Variants in SLIT3 observed in about 807,000 individuals in gnomAD.
The protein encoded by SLIT3 is slit guidance ligand 3, also known as slit homolog 3 protein.
Under a neutral mutation model 184.0 loss-of-function variants are expected in SLIT3, and 68 were observed. That is an observed-to-expected ratio of 0.37 (90% CI 0.30 to 0.45). The LOEUF (loss-of-function observed/expected upper bound fraction) is 0.45, where lower values mean the gene tolerates loss of function less well. Among genes scored for constraint, SLIT3 ranks in the 20% least tolerant of loss-of-function variants. SLIT3 has a pLI of 1.00. For missense variants in SLIT3, 1,707 were observed against 2,026.0 expected, an observed-to-expected ratio of 0.84 and a Z score of 3.02; for synonymous variants, 831 against 828.6, an observed-to-expected ratio of 1.00 and a Z score of -0.05.
intron 4 of SLIT3, among the ~76,000 whole-genome samples, chr5:168,956,463 T>C (rs1422792337): frequency 1.3e-5 from 2 of 152,316 alleles, no homozygotes; most frequent in South Asian, 2.1e-4. Context: ...AATTACCTTT[T>C]ACCTACAATG....
intron 1 of SLIT3, among the ~76,000 whole-genome samples, chr5:169,287,275 C>T (rs923378278): frequency 4.6e-5 from 7 of 152,184 alleles, no homozygotes; most frequent in East Asian, 1.9e-4. Flanking sequence ...TCTCTAGACT[C>T]GAAATAAGCT....
In SLIT3 at chr5:168,665,560, C is replaced by G. The variant is rs1215437075; in HGVS notation, c.*894G>C. The stretch of plus-strand genomic sequence containing the variant: ...CTTCCCTCGCCTCCTCTAGGAAGAC[C>G]CCTCTCCTGGGGAGGAGCAGGAAAA... On this transcript the variant is annotated 3_prime_UTR_variant, in exon 36 of 36. Coordinates refer to ENST00000519560, the MANE Select transcript of SLIT3 (RefSeq NM_003062.4). 1 of 152,280 alleles carries G rather than the reference C, an allele frequency of 6.6e-6. No homozygotes were observed. The highest frequency in any genetic ancestry group is 1.5e-5 in the Non-Finnish European group (1 of 68,104). The allele number at this position is 152,280 out of a possible 1,614,324, so 9.4% of individuals were successfully genotyped here.
At chr5:169,116,642 T>C (rs1327827646) in intron 4 of SLIT3, among the ~76,000 whole-genome samples, 4 of 152,346 alleles carry the variant, frequency 2.6e-5, no homozygotes, top group African/African-American at 9.6e-5. Context: ...TGATAGTCCA[T>C]GCACATGATC....
chr5:168,679,943 G>A (rs1366640135), intron 32 of SLIT3, among the ~76,000 whole-genome samples: 1 of 152,234 alleles, frequency 6.6e-6, no homozygotes, highest in African/African-American at 2.4e-5. Flanking sequence ...TAGAAATCAA[G>A]ACTCAGAGAG....
chr5:168,722,140 G>A (rs1762961599), intron 23 of SLIT3, 116 bp downstream of exon 23: 1 of 844,706 alleles, frequency 1.2e-6, no homozygotes, highest in Admixed American at 2.0e-5. Context: ...GGGTAGGAAG[G>A]TGTGTTTGGG....
chr5:169,298,751 TC>T (rs1767591528), intron 1 of SLIT3, among the ~76,000 whole-genome samples: 1 of 152,128 alleles, frequency 6.6e-6, no homozygotes, highest in African/African-American at 2.4e-5. Flanking sequence ...TCCAAACACT[TC>T]ACTAGCTGCA....
chr5:169,013,131 A>T (rs1051783915), intron 4 of SLIT3: 3 of 152,224 alleles, frequency 2.0e-5, no homozygotes, highest in Admixed American at 2.0e-4. Context: ...GGTGCAGGGG[A>T]CAAGGGAGAA....
intron 3 of SLIT3, among the ~76,000 whole-genome samples, chr5:169,207,409 A>T (rs1022223481): frequency 5.3e-5 from 8 of 150,866 alleles, no homozygotes; most frequent in Admixed American, 4.6e-4. Flanking sequence ...ACACACACAC[A>T]CACACACGGC....
At chr5:168,861,254 C>T (rs1375829533) in intron 5 of SLIT3, among the ~76,000 whole-genome samples, 1 of 151,968 alleles carries the variant, frequency 6.6e-6, no homozygotes, top group Non-Finnish European at 1.5e-5. Flanking sequence ...TTTCCCTCCC[C>T]CATCCCCCCA....
chr5:169,072,740 C>A (rs532576110), intron 4 of SLIT3, among the ~76,000 whole-genome samples: 1 of 152,236 alleles, frequency 6.6e-6, no homozygotes, highest in African/African-American at 2.4e-5. Flanking sequence ...ATCTTCTGCA[C>A]GGCTGGAGGC....
chr5:168,791,803 G>A (rs2113592868), intron 10 of SLIT3: 1 of 152,282 alleles, frequency 6.6e-6, no homozygotes, highest in Admixed American at 6.5e-5. Flanking sequence ...CATTCACCGT[G>A]TTGTATAACA....
intron 3 of SLIT3, among the ~76,000 whole-genome samples, chr5:169,223,490 G>T (rs1005572482): frequency 1.3e-5 from 2 of 152,210 alleles, no homozygotes; most frequent in East Asian, 3.9e-4. Flanking sequence ...TGATAGAGAC[G>T]TGCAGTTAGG....
chr5:168,907,477 G>C (rs532717724), intron 4 of SLIT3, among the ~76,000 whole-genome samples: 2 of 152,330 alleles, frequency 1.3e-5, no homozygotes, highest in Admixed American at 1.3e-4. Context: ...CAGGAAGGTA[G>C]TGTGTGACCA....
chr5:169,102,923 A>G (rs1760072614), intron 4 of SLIT3, among the ~76,000 whole-genome samples: 1 of 152,214 alleles, frequency 6.6e-6, no homozygotes, highest in Non-Finnish European at 1.5e-5. Flanking sequence ...CTTCTAAATC[A>G]TTGGATTTTA....
At chr5:169,126,327 A>G (rs76013016) in intron 4 of SLIT3, among the ~76,000 whole-genome samples, 79 of 152,358 alleles carry the variant, frequency 5.2e-4, no homozygotes, top group African/African-American at 1.7e-3. Flanking sequence ...CAGGAGAGAG[A>G]GAGGAAGAGG....
intron 18 of SLIT3, 167 bp downstream of exon 18, chr5:168,752,788 C>T (rs1754760818): frequency 3.1e-6 from 2 of 641,892 alleles, no homozygotes; most frequent in Non-Finnish European, 5.5e-6. Flanking sequence ...GTGTGTGCAG[C>T]CTCAACACCT....
At position 169,028,736 on chromosome 5, in the gene SLIT3, C is replaced by T. The variant is rs1047385550; in HGVS notation, c.414-145400G>A. The stretch of plus-strand genomic sequence containing the variant: ...ACTAAGCTAGCTAGACTAATAACTT[C>T]TTTAATTGATGAGTAAAATCCTACC... On this transcript the variant is annotated intron_variant, in intron 4 of 35. Transcript: ENST00000519560. Among the ~76,000 whole-genome samples, 3 of 152,324 alleles carry T rather than the reference C, an allele frequency of 2.0e-5. No individual in the cohort carries two copies. The South Asian group carries it at 6.2e-4, about 32-fold the overall frequency.
intron 4 of SLIT3, among the ~76,000 whole-genome samples, chr5:169,001,906 T>C (rs1351228892): frequency 6.6e-6 from 1 of 151,938 alleles, no homozygotes; most frequent in Non-Finnish European, 1.5e-5. Flanking sequence ...AGGGCAGCAG[T>C]ACTCCAGAGA....
chr5:168,947,711 G>A (rs747406377), intron 4 of SLIT3, among the ~76,000 whole-genome samples: 8 of 152,206 alleles, frequency 5.3e-5, no homozygotes, highest in Non-Finnish European at 1.0e-4. Context: ...CCTGAGGCTG[G>A]ATGCAGACCC....
Sources: allele counts gnomAD v4.1 joint callset (sites outside exome capture counted in the v4.1 genomes callset), GRCh38; gene constraint gnomAD v4.1.1; transcripts MANE v1.5; gene names NCBI Gene and HGNC (gene_info 2026-07-23, HGNC 2026-07-21).